The following APLF variants were observed in gnomAD, a reference collection of about 807,000 sequenced individuals.
APLF encodes the protein aprataxin and PNKP like factor, also known as aprataxin and PNK-like factor.
In APLF, 61 loss-of-function variants were observed where a neutral mutation model predicts 55.6. That is an observed-to-expected ratio of 1.10 (90% CI 0.89 to 1.36). APLF has a LOEUF of 1.36. Among genes scored for constraint, APLF ranks in the 40% most tolerant of loss-of-function variants. The probability of loss-of-function intolerance (pLI) is 0.00; values close to 1 mark genes in which losing one functional copy is unlikely to be tolerated. For missense variants in APLF, 611 were observed against 602.5 expected, an observed-to-expected ratio of 1.01 and a Z score of -0.15; for synonymous variants, 207 against 214.8, an observed-to-expected ratio of 0.96 and a Z score of 0.32.
At position 68,573,736 on chromosome 2, in the gene APLF, A is replaced by G. The variant is rs187538898; in HGVS notation, c.1334-4084A>G. Among the ~76,000 whole-genome samples the G allele has an allele frequency of 2.0e-5, 3 of 151,664 alleles. No individual in the cohort carries two copies. In the East Asian group the frequency reaches 5.8e-4, roughly 29 times the overall value. On this transcript the variant is annotated intron_variant, in intron 9 of 9. Coordinates refer to ENST00000303795, the MANE Select transcript of APLF (RefSeq NM_173545.3). ...GTGACTTGTTCATTGTCATGAGTTC[A>G]TTTATAACACAGATAGTTGGACTTC...
rs374520168 is a variant in APLF, at chr2:68,531,729, T to TA, written c.804+5488dup. ...GACGTTGCCTTTTTTCAAGAGAAAT[T>TA]ATTGTGTTCAGAAGAAAATCTGTAG... On this transcript the variant is annotated intron_variant, in intron 6 of 9. Coordinates refer to ENST00000303795, the MANE Select transcript of APLF (RefSeq NM_173545.3). Among the ~76,000 whole-genome samples the TA allele has an allele frequency of 2.7e-4, 41 of 152,384 alleles. 1 individual carries two copies. The highest frequency in any genetic ancestry group is 9.4e-4 in the African/African-American group (39 of 41,596).
In APLF at chr2:68,547,227, A is replaced by G. The variant is rs138918315; in HGVS notation, c.1286+1915A>G. On this transcript the variant is annotated intron_variant, in intron 8 of 9. Coordinates refer to ENST00000303795, the MANE Select transcript of APLF (RefSeq NM_173545.3). ...AAAACTTTAAATGTAAAAATGAGAA[A>G]ATGTTTTTCAGAAAGACCTAAATAA... 5.4e-3 allele frequency among the ~76,000 whole-genome samples: 815 copies of G among 151,856 alleles called. 13 individuals carry two copies. Among genetic ancestry groups the G allele is most frequent in the African/African-American group, 0.019 (785 of 41,526 alleles).
At chr2:68,519,039 TATAATAATATAATATATAATTAATATATA>T (rs1553372098) in intron 5 of APLF, among the ~76,000 whole-genome samples, 7 of 117,790 alleles carry the variant, frequency 5.9e-5, no homozygotes, top group South Asian at 2.2e-4. Flanking sequence ...ATGATTAATA[TATAATAATATAATATATAATTAATATATA>T]ATAATAATAT....
At chr2:68,555,827 T>G (rs185310384) in intron 8 of APLF, among the ~76,000 whole-genome samples, 2 of 152,340 alleles carry the variant, frequency 1.3e-5, no homozygotes, top group Admixed American at 1.3e-4. Context: ...AGAACTATCA[T>G]TTGATCCAGC....
rs1669450497 is a variant in APLF at position 68,513,116 on chromosome 2, T to C, written c.378T>C (p.Asn126=). Residue 126 remains asparagine (N), a synonymous_variant, in exon 4 of 10, where the codon AAT becomes AAC. Coordinates refer to ENST00000303795, the MANE Select transcript of APLF (RefSeq NM_173545.3). ...TGCTTGATGAAGATAATATATTGAA[T>C]GAAACACCAAAATCCCCCGTGATTA... ...SQVLDEDNIL[N]ETPKSPVINL... is the part of the protein sequence containing the mutation. 1 of 1,610,624 alleles carries C rather than the reference T, an allele frequency of 6.2e-7. No individual in the cohort carries two copies. The highest frequency in any genetic ancestry group is 1.7e-5 in the Admixed American group (1 of 59,604).
intron 3 of APLF, among the ~76,000 whole-genome samples, chr2:68,505,686 G>A (rs1410006242): frequency 6.6e-6 from 1 of 151,958 alleles, no homozygotes; most frequent in East Asian, 1.9e-4. Flanking sequence ...CATAGGGTGA[G>A]GTCTGGAAGG....
At chr2:68,475,136 A>G (rs1412688760) in intron 1 of APLF, among the ~76,000 whole-genome samples, 1 of 152,208 alleles carries the variant, frequency 6.6e-6, no homozygotes, top group Non-Finnish European at 1.5e-5. Flanking sequence ...TTAATTTTCC[A>G]AAGTCCCAAG....
intron 5 of APLF, among the ~76,000 whole-genome samples, chr2:68,524,406 A>G (rs141750524): frequency 3.2e-4 from 49 of 152,354 alleles, no homozygotes; most frequent in Admixed American, 1.3e-3. Context: ...AACTGGACTA[A>G]GCAAACTACA....
At chr2:68,521,521 A>G (rs71413136) in intron 5 of APLF, among the ~76,000 whole-genome samples, 12,768 of 151,880 alleles carry the variant, frequency 0.084, 602 homozygotes, top group Middle Eastern at 0.12. Context: ...TTAAATGTCC[A>G]TTAGTGATGG....
chr2:68,517,554 TTAA>T lies in APLF; in HGVS notation c.622+3878_622+3880del, dbSNP rs1184115681. ...TGTTATTAACATATGTCAATATATG[TTAA>T]TAACATATAACAATATATCACTAAT... On this transcript the variant is annotated intron_variant, in intron 5 of 9. Coordinates refer to ENST00000303795, the MANE Select transcript of APLF (RefSeq NM_173545.3). Among the ~76,000 whole-genome samples, 371 of 143,064 alleles carry T rather than the reference TTAA, an allele frequency of 2.6e-3. 1 individual carries two copies. The highest frequency in any genetic ancestry group is 8.6e-3 in the African/African-American group (340 of 39,764). The allele number at this position is 143,064 out of a possible 152,430, so 93.9% of individuals were successfully genotyped here.
At chr2:68,525,458 A>G (rs2103980936) in intron 5 of APLF, among the ~76,000 whole-genome samples, 1 of 152,318 alleles carries the variant, frequency 6.6e-6, no homozygotes, top group Admixed American at 6.5e-5. Flanking sequence ...GTACTCTGCT[A>G]GATAGTTTAC....
intron 9 of APLF, among the ~76,000 whole-genome samples, chr2:68,567,772 A>T (rs1024483881): frequency 2.0e-5 from 3 of 152,026 alleles, no homozygotes; most frequent in African/African-American, 7.2e-5. Flanking sequence ...CCAAAGACCC[A>T]ATTTTTTCCT....
intron 2 of APLF, among the ~76,000 whole-genome samples, chr2:68,496,190 C>T (rs930142274): frequency 2.6e-5 from 4 of 152,210 alleles, no homozygotes; most frequent in Non-Finnish European, 4.4e-5. Flanking sequence ...CAACCTCCAC[C>T]TCCTGGGTTC....
chr2:68,493,294 T>C (rs1255560010), intron 2 of APLF, among the ~76,000 whole-genome samples: 1 of 152,086 alleles, frequency 6.6e-6, no homozygotes, highest in Non-Finnish European at 1.5e-5. Flanking sequence ...GGAGTTTTTA[T>C]CAGTAAATGG....
chr2:68,525,064 C>A (rs1669994743), intron 5 of APLF, among the ~76,000 whole-genome samples: 1 of 152,092 alleles, frequency 6.6e-6, no homozygotes, highest in South Asian at 2.1e-4. Flanking sequence ...GAGGCTGAGA[C>A]AGGCGGATCA....
At chr2:68,518,886 ATAT>A (rs1295857930) in intron 5 of APLF, among the ~76,000 whole-genome samples, 74 of 126,146 alleles carry the variant, frequency 5.9e-4, no homozygotes, top group African/African-American at 1.1e-3. Context: ...TAAAATATTA[ATAT>A]TATATCATTA....
At chr2:68,493,808 A>G (rs1054414342) in intron 2 of APLF, among the ~76,000 whole-genome samples, 3 of 152,178 alleles carry the variant, frequency 2.0e-5, no homozygotes, top group African/African-American at 7.2e-5. Flanking sequence ...TACTTAAAAT[A>G]CAAAAATTAG....
intron 1 of APLF, among the ~76,000 whole-genome samples, chr2:68,468,473 C>CGTAT (rs1315924697): frequency 1.3e-5 from 2 of 152,082 alleles, no homozygotes; most frequent in Non-Finnish European, 2.9e-5. Context: ...GTCTCAAGAC[C>CGTAT]GTATCAGTTA....
intron 2 of APLF, among the ~76,000 whole-genome samples, chr2:68,492,093 A>C (rs1196367098): frequency 1.3e-5 from 2 of 152,200 alleles, no homozygotes; most frequent in Non-Finnish European, 2.9e-5. Context: ...TGTTTTATAA[A>C]TTGGCTTTAA....
Sources: allele counts gnomAD v4.1 joint callset (sites outside exome capture counted in the v4.1 genomes callset), GRCh38; gene constraint gnomAD v4.1.1; transcripts MANE v1.5; gene names NCBI Gene and HGNC (gene_info 2026-07-23, HGNC 2026-07-21).